Variants in PSG4 observed in about 807,000 individuals in gnomAD.
The protein encoded by PSG4 is pregnancy specific beta-1-glycoprotein 4, also known as pregnancy-specific beta-1-glycoprotein 4.
Under a neutral mutation model 44.3 loss-of-function variants are expected in PSG4, and 61 were observed. That is an observed-to-expected ratio of 1.38 (90% CI 1.12 to 1.70). The LOEUF (loss-of-function observed/expected upper bound fraction) is 1.70, where lower values mean the gene tolerates loss of function less well. Among genes scored for constraint, PSG4 ranks in the 40% most tolerant of loss-of-function variants. The pLI is 0.00. For synonymous variants in PSG4, 248 were observed against 191.3 expected, an observed-to-expected ratio of 1.30 and a Z score of -2.45; for missense variants, 677 against 511.7, an observed-to-expected ratio of 1.32 and a Z score of -3.12.
intron 2 of PSG4, among the ~76,000 whole-genome samples, chr19:43,200,409 A>G (rs1362378620): frequency 6.9e-6 from 1 of 144,678 alleles, no homozygotes; most frequent in Non-Finnish European, 1.5e-5. Flanking sequence ...GTCAAAAAAA[A>G]TATTAAATAT....
chr19:43,202,672 A>G lies in PSG4; in HGVS notation c.430+1214T>C, dbSNP rs759104017. On this transcript the variant is annotated intron_variant, in intron 2 of 5. Coordinates refer to ENST00000405312, the MANE Select transcript of PSG4 (RefSeq NM_002780.5). ...GCACTTTGGGAAACACAGGATTTCA[A>G]GTTCAGTGATGGGGGTTAAGATCTG... is the stretch of plus-strand genomic sequence containing the variant. 1.2e-3 allele frequency among the ~76,000 whole-genome samples: 165 copies of G among 142,002 alleles called. 14 individuals are homozygous for G. The highest frequency in any genetic ancestry group is 0.011 in the Middle Eastern group (3 of 284). The allele number at this position is 142,002 out of a possible 152,430, so 93.2% of individuals were successfully genotyped here.
rs570550793 is a variant in PSG4 at position 43,193,237 on chromosome 19, A to G, written c.*135T>C. The G allele has an allele frequency of 3.3e-5, 25 of 763,744 alleles. 1 individual carries two copies. Among genetic ancestry groups the G allele is most frequent in the Non-Finnish European group, 5.5e-5 (23 of 417,032 alleles). The allele number at this position is 763,744 out of a possible 1,614,324, so 47.3% of individuals were successfully genotyped here. A position where few individuals can be genotyped will look rare whatever the true frequency, so the allele number is the denominator to read the frequency against. ...TTTTGGTGAGTTCTGAGTGGCTCACATGTCAGGTACAAGGGTTTTCCCATG... is the reference window on the plus strand; with the variant it reads ...TTTTGGTGAGTTCTGAGTGGCTCACGTGTCAGGTACAAGGGTTTTCCCATG... On this transcript the variant is annotated 3_prime_UTR_variant, in exon 6 of 6. Coordinates refer to ENST00000405312, the MANE Select transcript of PSG4 (RefSeq NM_002780.5).
rs1035805680 is a variant in PSG4 at position 43,200,272 on chromosome 19, G to A, written c.431-1997C>T. Among the ~76,000 whole-genome samples, 10 of 145,040 alleles carry A rather than the reference G, an allele frequency of 6.9e-5. 2 individuals are homozygous for A. Among genetic ancestry groups the A allele is most frequent in the Admixed American group, 6.8e-4 (10 of 14,634 alleles). On this transcript the variant is annotated intron_variant, in intron 2 of 5. Transcript: ENST00000405312. Reference sequence around the variant, plus strand: ...GAAACAGTTGTATGTGGCACAGGCAGTAAAACCATCAGATAGCACCCACCT... The same window carrying A: ...GAAACAGTTGTATGTGGCACAGGCAATAAAACCATCAGATAGCACCCACCT...
At chr19:43,196,008 G>A (rs1016129889) in intron 3 of PSG4, among the ~76,000 whole-genome samples, 12 of 151,048 alleles carry the variant, frequency 7.9e-5, no homozygotes, top group African/African-American at 2.0e-4. Context: ...CCCTGTCCTG[G>A]GTTCTTTAAG....
At position 43,203,886 on chromosome 19, in the gene PSG4, G is replaced by A. The variant is rs765927677; in HGVS notation, c.430C>T (p.Leu144=). 1.4e-5 allele frequency: 22 copies of A among 1,577,264 alleles called. 1 individual carries two copies. The highest frequency in any genetic ancestry group is 1.7e-5 in the Non-Finnish European group (20 of 1,167,102). The change falls in exon 2 of 6, where the codon CTG becomes TTG. Residue 144 remains leucine, a splice_region_variant and synonymous_variant. Coordinates refer to ENST00000405312, the MANE Select transcript of PSG4 (RefSeq NM_002780.5). ...VTGHFTFTLH[L]ETPKPSISSS... ...CCAGGGATCATGTGGAATCACTCAC[G>A]GTGTAAGGTGAAGGTGAAATGTCCA...
intron 3 of PSG4, among the ~76,000 whole-genome samples, chr19:43,195,583 A>G (rs2355443): frequency 0.24 from 36,928 of 150,808 alleles, 5,438 homozygotes; most frequent in East Asian, 0.55. Context: ...CTAATCAGTT[A>G]ACTTGCTGGC....
At position 43,194,802 on chromosome 19, in the gene PSG4, C is replaced by G. The variant is rs571917717; in HGVS notation, c.988+193G>C. 100 of 1,420,336 alleles carry G rather than the reference C, an allele frequency of 7.0e-5. 1 individual carries two copies. The highest frequency in any genetic ancestry group is 9.2e-5 in the Non-Finnish European group (98 of 1,064,464). The allele number at this position is 1,420,336 out of a possible 1,614,324, so 88.0% of individuals were successfully genotyped here. ...GGCCCCAAGTCTCCCATGACAAGAG[C>G]GTCCCCTCCCCTTATATTCTTGGTT... On this transcript the variant is annotated intron_variant, in intron 4 of 5. Transcript: ENST00000405312.
rs758444036 is a variant in PSG4 at position 43,205,563 on chromosome 19, C to A, written c.-27G>T. The A allele has an allele frequency of 1.4e-5, 21 of 1,532,964 alleles. 1 individual carries two copies. In the South Asian group the frequency reaches 1.5e-4, roughly 11 times the overall value. The allele number at this position is 1,532,964 out of a possible 1,614,324, so 95.0% of individuals were successfully genotyped here. A position where few individuals can be genotyped will look rare whatever the true frequency, so the allele number is the denominator to read the frequency against. The stretch of plus-strand genomic sequence containing the variant: ...GTCTCTGCTGCTTGTGTGTTCTCCT[C>A]TGTGGAGATAAGCCTAGGATCCAGA... On this transcript the variant is annotated 5_prime_UTR_variant, in exon 1 of 6. Transcript: ENST00000405312.
chr19:43,202,204 T>C lies in PSG4; in HGVS notation c.430+1682A>G, dbSNP rs1029842831. ...CAGTCAGAATGAAGTGGGAGGAAGA[T>C]GAGGGACACAGAGAAGAAGAGAGAG... On this transcript the variant is annotated intron_variant, in intron 2 of 5. Transcript: ENST00000405312. 2.1e-5 allele frequency among the ~76,000 whole-genome samples: 3 copies of C among 144,910 alleles called. 1 individual carries two copies. Among genetic ancestry groups the C allele is most frequent in the Non-Finnish European group, 1.5e-5 (1 of 66,940 alleles).
chr19:43,196,525 A>T (rs1967253589), intron 3 of PSG4: 1 of 151,590 alleles, frequency 6.6e-6, no homozygotes, highest in African/African-American at 2.4e-5. Context: ...TAGCATCCCA[A>T]ATCTGAAAGA....
chr19:43,193,117 G>C lies in PSG4; in HGVS notation c.*255C>G. The C allele has an allele frequency of 3.1e-6, 2 of 653,646 alleles. No homozygotes were observed. Among genetic ancestry groups the C allele is most frequent in the Non-Finnish European group, 5.6e-6 (2 of 360,184 alleles). 40.5% of individuals were successfully genotyped at this position (653,646 alleles called of 1,614,324 possible). A position where few individuals can be genotyped will look rare whatever the true frequency, so the allele number is the denominator to read the frequency against. On this transcript the variant is annotated 3_prime_UTR_variant, in exon 6 of 6. Transcript: ENST00000405312. ...GAGCCTTATCATGATGGGGAGTCTT[G>C]TTCTGACATCTTTGGAAAAACTGTC...
At chr19:43,196,512 GT>G (rs1451916001) in intron 3 of PSG4, 1 of 151,544 alleles carries the variant, frequency 6.6e-6, no homozygotes, top group Non-Finnish European at 1.5e-5. Flanking sequence ...ATGCTTACTG[GT>G]TTAGCATCCC....
chr19:43,195,441 A>G (rs1055778596), intron 3 of PSG4, among the ~76,000 whole-genome samples, 168 bp from the exon 4 acceptor site: 3 of 151,496 alleles, frequency 2.0e-5, no homozygotes, highest in Non-Finnish European at 4.4e-5. Context: ...TAAGGGCTCA[A>G]AGACTGTGAG....
At position 43,205,111 on chromosome 19, in the gene PSG4, C is replaced by CTTTTTTTTTTTTTTTTTT. The variant is rs59165427; in HGVS notation, c.64+361_64+362insAAAAAAAAAAAAAAAAAA. On this transcript the variant is annotated intron_variant, in intron 1 of 5. Coordinates refer to ENST00000405312, the MANE Select transcript of PSG4 (RefSeq NM_002780.5). Reference sequence around the variant, plus strand: ...TTCTTTTTTCTTTTTTTCCTTTTTTCTTTTTTTTTTTTTTGAGACGGAGTC... The same window carrying CTTTTTTTTTTTTTTTTTT: ...TTCTTTTTTCTTTTTTTCCTTTTTTCTTTTTTTTTTTTTTTTTTTTTTTTTTTTTTTTGAGACGGAGTC... Among the ~76,000 whole-genome samples, 332 of 90,804 alleles carry CTTTTTTTTTTTTTTTTTT rather than the reference C, an allele frequency of 3.7e-3. 32 individuals are homozygous for CTTTTTTTTTTTTTTTTTT. The highest frequency in any genetic ancestry group is 8.3e-3 in the African/African-American group (162 of 19,412). 59.6% of individuals were successfully genotyped at this position (90,804 alleles called of 152,430 possible). A position where few individuals can be genotyped will look rare whatever the true frequency, so the allele number is the denominator to read the frequency against.
In PSG4 at chr19:43,193,397, G is replaced by A. The variant is rs1967092958; in HGVS notation, c.1244-9C>T. ...TCAGGGTAATATCCAGTCTACAGGT[G>A]GATAATAAAAACACAGAAACAATGA... On this transcript the variant is annotated splice_polypyrimidine_tract_variant and intron_variant, in intron 5 of 5. Coordinates refer to ENST00000405312, the MANE Select transcript of PSG4 (RefSeq NM_002780.5). 3.9e-6 allele frequency: 3 copies of A among 769,844 alleles called. No homozygotes were observed. The highest frequency in any genetic ancestry group is 7.2e-6 in the Non-Finnish European group (3 of 417,548). The allele number at this position is 769,844 out of a possible 1,614,324, so 47.7% of individuals were successfully genotyped here.
intron 2 of PSG4, chr19:43,198,553 A>G (rs1355136902): frequency 2.0e-6 from 1 of 498,346 alleles, no homozygotes; most frequent in African/African-American, 2.1e-5. Context: ...CACAGACCCG[A>G]TGCCTCTCTG....
intron 3 of PSG4, among the ~76,000 whole-genome samples, chr19:43,195,509 T>C (rs1378001023): frequency 6.6e-6 from 1 of 151,430 alleles, no homozygotes; most frequent in Non-Finnish European, 1.5e-5. Context: ...TGAGCAGCAG[T>C]GTTGGGTCAT....
At chr19:43,194,910 A>C in intron 4 of PSG4, 85 bp downstream of exon 4, 1 of 1,574,570 alleles carries the variant, frequency 6.4e-7, no homozygotes, top group Non-Finnish European at 8.6e-7. Context: ...CTATACTTGG[A>C]CTGGAGAGAG....
chr19:43,193,190 G>T lies in PSG4; in HGVS notation c.*182C>A, dbSNP rs563058708. Reference sequence around the variant, plus strand: ...GTTATCCTGGTTTACAGTTTGAGTAGCTGTTGTTATGGTGTCGAACATTTT... The same window carrying T: ...GTTATCCTGGTTTACAGTTTGAGTATCTGTTGTTATGGTGTCGAACATTTT... On this transcript the variant is annotated 3_prime_UTR_variant, in exon 6 of 6. Coordinates refer to ENST00000405312, the MANE Select transcript of PSG4 (RefSeq NM_002780.5). 6.0e-5 allele frequency: 45 copies of T among 752,698 alleles called. No individual in the cohort carries two copies. Among genetic ancestry groups the T allele is most frequent in the South Asian group, 2.2e-4 (16 of 73,362 alleles). 46.6% of individuals were successfully genotyped at this position (752,698 alleles called of 1,614,324 possible). A position where few individuals can be genotyped will look rare whatever the true frequency, so the allele number is the denominator to read the frequency against.
Sources: allele counts gnomAD v4.1 joint callset (sites outside exome capture counted in the v4.1 genomes callset), GRCh38; gene constraint gnomAD v4.1.1; transcripts MANE v1.5; gene names NCBI Gene and HGNC (gene_info 2026-07-23, HGNC 2026-07-21).